The following RGS18 variants were observed in gnomAD, a reference collection of about 807,000 sequenced individuals.
RGS18 encodes regulator of G protein signaling 18.
A neutral mutation model predicts 27.6 loss-of-function variants in RGS18; 22 were observed. The observed-to-expected ratio is 0.80, with a 90% CI of 0.57 to 1.14. RGS18 has a LOEUF of 1.14. RGS18 is among the 50% of genes most tolerant of loss of function. RGS18 has a pLI of 0.00. For synonymous variants in RGS18, 89 were observed against 84.6 expected (o/e 1.05, Z -0.29); for missense variants, 299 against 269.6 (o/e 1.11, Z -0.76).
At chr1:192,179,827 T>C (rs913326740) in intron 3 of RGS18, among the ~76,000 whole-genome samples, 4 of 151,574 alleles carry the variant, frequency 2.6e-5, no homozygotes, top group African/African-American at 9.7e-5. Context: ...GAGATGTAAA[T>C]GTGGCTGTAA....
intron 3 of RGS18, among the ~76,000 whole-genome samples, chr1:192,181,025 G>A (rs564748754): frequency 2.6e-5 from 4 of 151,664 alleles, no homozygotes; most frequent in Non-Finnish European, 5.9e-5. Context: ...CACCGTAGGG[G>A]GTCCCTCTTA....
chr1:192,171,565 C>T (rs1399479537), intron 3 of RGS18, among the ~76,000 whole-genome samples: 1 of 151,930 alleles, frequency 6.6e-6, no homozygotes, highest in Non-Finnish European at 1.5e-5. Flanking sequence ...CTCCCTTTGT[C>T]CAGGTGAAAA....
At chr1:192,172,882 T>TATATAAAAAA (rs1407068832) in intron 3 of RGS18, among the ~76,000 whole-genome samples, 1 of 104,858 alleles carries the variant, frequency 9.5e-6, no homozygotes, top group Admixed American at 9.4e-5. Context: ...TATATATATA[T>TATATAAAAAA]AAATATATAT....
intron 3 of RGS18, among the ~76,000 whole-genome samples, chr1:192,160,864 T>C (rs1272222732): frequency 6.6e-6 from 1 of 152,236 alleles, no homozygotes; most frequent in Non-Finnish European, 1.5e-5. Context: ...TTTTTGTTTT[T>C]TGTTTTGAGA....
At chr1:192,161,242 T>G (rs1298486186) in intron 3 of RGS18, among the ~76,000 whole-genome samples, 1 of 152,180 alleles carries the variant, frequency 6.6e-6, no homozygotes, top group Non-Finnish European at 1.5e-5. Flanking sequence ...GTAGAAATGT[T>G]GAGAATCGAG....
chr1:192,175,699 G>T (rs771356502), intron 3 of RGS18, among the ~76,000 whole-genome samples: 31 of 151,828 alleles, frequency 2.0e-4, no homozygotes, highest in Non-Finnish European at 4.0e-4. Context: ...CCCTGCTCAT[G>T]TGCAGCTTAG....
In RGS18 at chr1:192,159,273, A is replaced by T; in HGVS notation, c.173A>T (p.His58Leu). 6.2e-7 allele frequency: 1 copy of T among 1,613,910 alleles called. No homozygotes were observed. Among genetic ancestry groups the T allele is most frequent in the Non-Finnish European group, 8.5e-7 (1 of 1,179,780 alleles). ...CTTCTTGTGCAGAAACCTGAGTTTC[A>T]TGAAGACACCCGCTCCAGTAGATCT... ...LSLLVQKPEFHEDTRSSRSGH... is the reference protein window; with the variant it reads ...LSLLVQKPEFLEDTRSSRSGH... The change falls in exon 2 of 5, where the codon CAT (histidine) becomes CTT (leucine). Residue 58 changes from histidine (H) to leucine (L), a missense_variant. His to Leu is a moderately conservative substitution (Grantham distance 99). Coordinates refer to ENST00000367460, the MANE Select transcript of RGS18 (RefSeq NM_130782.3).
chr1:192,182,744 T>C (rs766398915), intron 4 of RGS18, among the ~76,000 whole-genome samples: 2 of 151,574 alleles, frequency 1.3e-5, no homozygotes, highest in Non-Finnish European at 3.0e-5. Context: ...CATTCACTTA[T>C]TCATATTAAT....
intron 3 of RGS18, among the ~76,000 whole-genome samples, chr1:192,162,869 A>G (rs1656098437): frequency 6.6e-6 from 1 of 152,220 alleles, no homozygotes; most frequent in Non-Finnish European, 1.5e-5. Flanking sequence ...CAACAAAAAA[A>G]GAGGACTGGG....
intron 3 of RGS18, chr1:192,163,138 G>GAAAT (rs1427639188): frequency 6.6e-6 from 1 of 152,116 alleles, no homozygotes; most frequent in African/African-American, 2.4e-5. Context: ...AGCTCCAACA[G>GAAAT]AAATAGATTT....
chr1:192,177,501 C>A (rs1461306172), intron 3 of RGS18, among the ~76,000 whole-genome samples: 1 of 151,468 alleles, frequency 6.6e-6, no homozygotes, highest in Non-Finnish European at 1.5e-5. Context: ...ACAAGTTAGA[C>A]AAGGGTCTTC....
intron 3 of RGS18, among the ~76,000 whole-genome samples, chr1:192,176,898 A>G (rs530918808): frequency 1.3e-4 from 20 of 151,954 alleles, no homozygotes; most frequent in African/African-American, 4.8e-4. Flanking sequence ...AAAGTCATAT[A>G]GACTGGCATT....
At chr1:192,163,863 A>C (rs1297231935) in intron 3 of RGS18, among the ~76,000 whole-genome samples, 4 of 70,234 alleles carry the variant, frequency 5.7e-5, no homozygotes, top group Admixed American at 1.8e-4. Flanking sequence ...GTGAATATAT[A>C]TATATATTTT....
chr1:192,166,645 G>T (rs1656167481), intron 3 of RGS18, among the ~76,000 whole-genome samples: 1 of 152,078 alleles, frequency 6.6e-6, no homozygotes, highest in African/African-American at 2.4e-5. Flanking sequence ...TGAGTGAGAA[G>T]ATGAAGGAAT....
At position 192,172,281 on chromosome 1, in the gene RGS18, C is replaced by G. The variant is rs1488294104; in HGVS notation, c.284-9011C>G. Among the ~76,000 whole-genome samples, 3 of 152,044 alleles carry G rather than the reference C, an allele frequency of 2.0e-5. No individual in the cohort carries two copies. In the South Asian group the frequency reaches 6.2e-4, roughly 31 times the overall value. On this transcript the variant is annotated intron_variant, in intron 3 of 4. Coordinates refer to ENST00000367460, the MANE Select transcript of RGS18 (RefSeq NM_130782.3). ...GCAGTTTTCAGCAATAGTGAGTTTTCACTCTTGAAAGACTGGATTAGTTCT... is the reference window on the plus strand; with the variant it reads ...GCAGTTTTCAGCAATAGTGAGTTTTGACTCTTGAAAGACTGGATTAGTTCT...
intron 3 of RGS18, among the ~76,000 whole-genome samples, chr1:192,162,288 G>A (rs930378897): frequency 2.6e-5 from 4 of 151,334 alleles, no homozygotes; most frequent in African/African-American, 9.7e-5. Flanking sequence ...TGTTTTTTTG[G>A]TTTGTTTGTT....
At chr1:192,159,870 T>G (rs1656039929) in intron 2 of RGS18, among the ~76,000 whole-genome samples, 1 of 152,100 alleles carries the variant, frequency 6.6e-6, no homozygotes, top group African/African-American at 2.4e-5. Context: ...CTAGAATATT[T>G]TTTCTATTAA....
chr1:192,172,072 A>G (rs1656268104), intron 3 of RGS18, among the ~76,000 whole-genome samples: 1 of 151,998 alleles, frequency 6.6e-6, no homozygotes, highest in Non-Finnish European at 1.5e-5. Context: ...TAGACCAACT[A>G]CTTCCTTCCC....
chr1:192,160,487 C>A, intron 3 of RGS18, 48 bp downstream of exon 3: 1 of 1,338,804 alleles, frequency 7.5e-7, no homozygotes, highest in Non-Finnish European at 1.1e-6. Flanking sequence ...TGGAAAATTA[C>A]ACAAACTATG....
Sources: gnomAD v4.1 joint callset for allele counts (sites outside exome capture counted in the v4.1 genomes callset) on GRCh38, gnomAD v4.1.1 for gene constraint, MANE v1.5 for transcripts, NCBI Gene and HGNC (gene_info 2026-07-23, HGNC 2026-07-21) for gene names.